Variants in MAGI2 observed in about 807,000 individuals in gnomAD.
The protein encoded by MAGI2 is membrane-associated guanylate kinase, WW and PDZ domain-containing protein 2.
MAGI2 carries 35 observed loss-of-function variants against 133.3 expected under a neutral mutation model. The observed-to-expected ratio is 0.26, with a 90% CI of 0.20 to 0.35. The LOEUF (loss-of-function observed/expected upper bound fraction) is 0.35, where lower values mean the gene tolerates loss of function less well. Among genes scored for constraint, MAGI2 ranks in the 10% least tolerant of loss-of-function variants. MAGI2 has a pLI of 1.00. For synonymous variants in MAGI2, 729 were observed against 710.6 expected (o/e 1.03, Z -0.41); for missense variants, 1,636 against 1,863.4 (o/e 0.88, Z 2.25).
intron 21 of MAGI2, among the ~76,000 whole-genome samples, chr7:78,033,244 G>T (rs1322781381): frequency 2.0e-5 from 3 of 152,080 alleles, no homozygotes; most frequent in African/African-American, 7.2e-5. Flanking sequence ...CAGTCAAGGA[G>T]GACCCGGAGT....
intron 1 of MAGI2, among the ~76,000 whole-genome samples, chr7:79,236,739 C>CA (rs967939244): frequency 1.3e-5 from 2 of 151,848 alleles, no homozygotes; most frequent in African/African-American, 4.8e-5. Context: ...TTTTTAATAG[C>CA]AAAAAAAGAA....
At chr7:78,706,369 C>T (rs548646892) in intron 2 of MAGI2, among the ~76,000 whole-genome samples, 13 of 150,012 alleles carry the variant, frequency 8.7e-5, no homozygotes, top group Non-Finnish European at 1.6e-4. Flanking sequence ...TTTCACCCCC[C>T]GCCATGATTC....
intron 1 of MAGI2, among the ~76,000 whole-genome samples, chr7:79,201,603 C>A (rs969971693): frequency 6.6e-6 from 1 of 151,698 alleles, no homozygotes; most frequent in Non-Finnish European, 1.5e-5. Flanking sequence ...ACATATTTAA[C>A]CCTGAGGATC....
intron 10 of MAGI2, among the ~76,000 whole-genome samples, chr7:78,224,740 A>T (rs1789193686): frequency 6.8e-6 from 1 of 146,170 alleles, no homozygotes; most frequent in South Asian, 2.2e-4. Flanking sequence ...TTTGTTTTGG[A>T]GGAAGTGTAT....
rs191737927 is a variant in MAGI2 at position 79,146,759 on chromosome 7, T to C, written c.302-139553A>G. Among the ~76,000 whole-genome samples, 3 of 152,348 alleles carry C rather than the reference T, an allele frequency of 2.0e-5. No homozygotes were observed. The East Asian group carries it at 5.8e-4, about 29-fold the overall frequency. On this transcript the variant is annotated intron_variant, in intron 1 of 21. Transcript: ENST00000354212. ...TGTGGAACTGTGAGTGCATTAAACC[T>C]ATTTCCTTTTTAAATTACCCAGTCT...
At chr7:78,360,253 T>C (rs1400054828) in intron 7 of MAGI2, among the ~76,000 whole-genome samples, 2 of 152,194 alleles carry the variant, frequency 1.3e-5, no homozygotes, top group Non-Finnish European at 2.9e-5. Context: ...ATTAAAGATC[T>C]AGAAGATGCA....
chr7:78,363,923 T>G (rs921419606), intron 7 of MAGI2, among the ~76,000 whole-genome samples: 14 of 152,256 alleles, frequency 9.2e-5, no homozygotes, highest in Non-Finnish European at 2.1e-4. Context: ...TTAAATCAGC[T>G]AGTACATGTA....
intron 2 of MAGI2, among the ~76,000 whole-genome samples, chr7:78,809,293 G>C (rs918736368): frequency 6.6e-6 from 1 of 152,214 alleles, no homozygotes; most frequent in Non-Finnish European, 1.5e-5. Flanking sequence ...CAAGATTACA[G>C]TTGATTAACA....
rs1491494586 is a variant in MAGI2, at chr7:79,449,897, T to TATATATATATAA, written c.301+3122_301+3123insTTATATATATAT. 9.1e-3 allele frequency among the ~76,000 whole-genome samples: 1,210 copies of TATATATATATAA among 132,254 alleles called. 50 individuals are homozygous for TATATATATATAA. Among genetic ancestry groups the TATATATATATAA allele is most frequent in the Admixed American group, 0.061 (809 of 13,156 alleles). 86.8% of individuals were successfully genotyped at this position (132,254 alleles called of 152,430 possible). A position where few individuals can be genotyped will look rare whatever the true frequency, so the allele number is the denominator to read the frequency against. ...ATATACATATATATATATATATATA[T>TATATATATATAA]AATGTCTTAAAATCCCAACATTTTA... On this transcript the variant is annotated intron_variant, in intron 1 of 21. Coordinates refer to ENST00000354212, the MANE Select transcript of MAGI2 (RefSeq NM_012301.4).
At chr7:78,311,970 C>A (rs1798749039) in intron 9 of MAGI2, among the ~76,000 whole-genome samples, 1 of 152,022 alleles carries the variant, frequency 6.6e-6, no homozygotes, top group East Asian at 1.9e-4. Context: ...GGGGTTTCAC[C>A]ATGTTGGCCA....
chr7:78,398,235 A>C (rs1156787540), intron 6 of MAGI2, among the ~76,000 whole-genome samples: 1 of 152,220 alleles, frequency 6.6e-6, no homozygotes, highest in Non-Finnish European at 1.5e-5. Context: ...CTCAGATAAT[A>C]ATATCTGTTC....
intron 6 of MAGI2, among the ~76,000 whole-genome samples, chr7:78,472,108 T>C (rs1791267404): frequency 6.6e-6 from 1 of 152,106 alleles, no homozygotes; most frequent in Admixed American, 6.6e-5. Context: ...CTCTGGATAG[T>C]ATCAAGTGTT....
At chr7:78,834,270 G>A (rs957700784) in intron 2 of MAGI2, among the ~76,000 whole-genome samples, 6 of 152,194 alleles carry the variant, frequency 3.9e-5, no homozygotes, top group African/African-American at 1.4e-4. Context: ...TATTTCACAA[G>A]TTTGGGTTAC....
intron 1 of MAGI2, among the ~76,000 whole-genome samples, chr7:79,069,398 T>C (rs1302230264): frequency 6.6e-6 from 1 of 152,222 alleles, no homozygotes; most frequent in Non-Finnish European, 1.5e-5. Flanking sequence ...AAAGTCTGTT[T>C]TATCAGAGAC....
intron 1 of MAGI2, among the ~76,000 whole-genome samples, chr7:79,319,428 C>T (rs925574073): frequency 1.3e-5 from 2 of 152,144 alleles, no homozygotes; most frequent in Non-Finnish European, 2.9e-5. Flanking sequence ...CTAAGAAGCT[C>T]CCAGCCTCAC....
chr7:78,750,679 A>G (rs1823373329), intron 2 of MAGI2, among the ~76,000 whole-genome samples: 1 of 152,156 alleles, frequency 6.6e-6, no homozygotes, highest in South Asian at 2.1e-4. Flanking sequence ...TTTCCTCTGG[A>G]GAACAGATAT....
At chr7:78,590,332 A>C (rs1269711160) in intron 3 of MAGI2, among the ~76,000 whole-genome samples, 1 of 152,102 alleles carries the variant, frequency 6.6e-6, no homozygotes, top group African/African-American at 2.4e-5. Context: ...TCAAAAGAAC[A>C]GTTTGGTCCT....
At chr7:78,835,489 C>G (rs1791539237) in intron 2 of MAGI2, among the ~76,000 whole-genome samples, 1 of 152,140 alleles carries the variant, frequency 6.6e-6, no homozygotes, top group Non-Finnish European at 1.5e-5. Flanking sequence ...ATATTATTCT[C>G]CCATAGTCAG....
chr7:78,700,918 T>A (rs111926388), intron 2 of MAGI2, among the ~76,000 whole-genome samples: 1 of 150,740 alleles, frequency 6.6e-6, no homozygotes, highest in Non-Finnish European at 1.5e-5. Flanking sequence ...TATATTAAAT[T>A]TAAATAAATT....
Sources: gnomAD v4.1 joint callset for allele counts (sites outside exome capture counted in the v4.1 genomes callset) on GRCh38, gnomAD v4.1.1 for gene constraint, MANE v1.5 for transcripts, NCBI Gene and HGNC (gene_info 2026-07-23, HGNC 2026-07-21) for gene names.